The following RALYL variants were observed in gnomAD, a reference collection of about 807,000 sequenced individuals.
RALYL encodes the protein RALY RNA binding protein like.
Under a neutral mutation model 35.1 loss-of-function variants are expected in RALYL, and 29 were observed. The ratio of observed to expected loss-of-function variants is 0.83; its 90% CI spans 0.61 to 1.13. The LOEUF (loss-of-function observed/expected upper bound fraction) is 1.13. RALYL is among the 50% of genes most tolerant of loss of function. The pLI is 0.00. For synonymous variants in RALYL, 120 were observed against 127.6 expected, an observed-to-expected ratio of 0.94 and a Z score of 0.40; for missense variants, 359 against 360.4, an observed-to-expected ratio of 1.00 and a Z score of 0.03.
intron 2 of RALYL, among the ~76,000 whole-genome samples, chr8:84,615,570 CTTTTTTTTTTTTTTTTTTT>C (rs60428128): frequency 3.0e-5 from 2 of 67,364 alleles, no homozygotes; most frequent in African/African-American, 1.3e-4. Context: ...GAACTTTCGT[CTTTTTTTTTTTTTTTTTTT>C]TTTTTTTTTT....
intron 2 of RALYL, among the ~76,000 whole-genome samples, chr8:84,671,251 G>A (rs570301888): frequency 7.2e-5 from 11 of 152,222 alleles, no homozygotes; most frequent in Admixed American, 3.9e-4. Context: ...GTGGCTTTGC[G>A]GGATACAGCC....
chr8:84,326,950 G>A (rs188404763), intron 1 of RALYL, among the ~76,000 whole-genome samples: 4,124 of 151,800 alleles, frequency 0.027, 100 homozygotes, highest in Non-Finnish European at 0.031. Flanking sequence ...GGACTAAAGT[G>A]TTAATGGAGA....
At chr8:84,630,256 C>A (rs1339632811) in intron 2 of RALYL, among the ~76,000 whole-genome samples, 1 of 151,840 alleles carries the variant, frequency 6.6e-6, no homozygotes, top group African/African-American at 2.4e-5. Context: ...GGAAAGCCAC[C>A]CTAAATACAG....
intron 1 of RALYL, among the ~76,000 whole-genome samples, chr8:84,458,702 A>G (rs1175813615): frequency 6.6e-6 from 1 of 151,866 alleles, no homozygotes; most frequent in Non-Finnish European, 1.5e-5. Flanking sequence ...TCATAATGCC[A>G]CTAAAAGTTC....
chr8:84,732,799 C>T (rs989416948), intron 2 of RALYL, among the ~76,000 whole-genome samples: 6 of 151,500 alleles, frequency 4.0e-5, no homozygotes, highest in Admixed American at 6.6e-5. Flanking sequence ...CAGATTCAAG[C>T]GATTCTCCTG....
chr8:84,327,962 G>T (rs1846122251), intron 1 of RALYL, among the ~76,000 whole-genome samples: 1 of 152,144 alleles, frequency 6.6e-6, no homozygotes, highest in African/African-American at 2.4e-5. Context: ...TAAAGAATTT[G>T]CCAAAAAGGT....
At chr8:84,739,779 ACT>A (rs1429232996) in intron 2 of RALYL, among the ~76,000 whole-genome samples, 2 of 151,876 alleles carry the variant, frequency 1.3e-5, no homozygotes, top group Non-Finnish European at 2.9e-5. Context: ...TGAATCTGAG[ACT>A]CTGAGTATGA....
intron 2 of RALYL, among the ~76,000 whole-genome samples, chr8:84,626,330 T>C (rs1453584711): frequency 1.3e-5 from 2 of 152,196 alleles, no homozygotes; most frequent in Non-Finnish European, 2.9e-5. Flanking sequence ...CTTTACTCTC[T>C]GCATGATTTG....
At chr8:84,779,458 A>G (rs2718974) in intron 3 of RALYL, among the ~76,000 whole-genome samples, 34,962 of 152,084 alleles carry the variant, frequency 0.23, 4,243 homozygotes, top group Non-Finnish European at 0.25. Flanking sequence ...GACATGTAGT[A>G]TATATAGTTT....
At chr8:84,584,074 C>T (rs1564187528) in intron 2 of RALYL, among the ~76,000 whole-genome samples, 2 of 152,210 alleles carry the variant, frequency 1.3e-5, no homozygotes, top group East Asian at 3.9e-4. Flanking sequence ...GAGTATCCAT[C>T]CCCTCAAGTA....
At chr8:84,382,172 A>G (rs1014765321) in intron 1 of RALYL, among the ~76,000 whole-genome samples, 1 of 151,346 alleles carries the variant, frequency 6.6e-6, no homozygotes, top group African/African-American at 2.4e-5. Flanking sequence ...TAGTTAAAAT[A>G]CATTTGGGAT....
At chr8:84,395,594 G>T (rs1586831366) in intron 1 of RALYL, among the ~76,000 whole-genome samples, 1 of 151,798 alleles carries the variant, frequency 6.6e-6, no homozygotes, top group Middle Eastern at 3.4e-3. Flanking sequence ...ACATTTTGTT[G>T]TTTTCTATTA....
chr8:84,756,694 A>G (rs1021454714), intron 2 of RALYL, among the ~76,000 whole-genome samples: 7 of 152,106 alleles, frequency 4.6e-5, no homozygotes, highest in Admixed American at 3.9e-4. Flanking sequence ...TTTAATATTC[A>G]TATTGCTGAT....
intron 2 of RALYL, among the ~76,000 whole-genome samples, chr8:84,645,859 T>C (rs1350941923): frequency 6.6e-6 from 1 of 152,132 alleles, no homozygotes; most frequent in African/African-American, 2.4e-5. Context: ...TGCCTGTCTA[T>C]TCTCATGCTT....
chr8:84,432,285 A>T (rs2047226630), intron 1 of RALYL, among the ~76,000 whole-genome samples: 1 of 152,156 alleles, frequency 6.6e-6, no homozygotes, highest in South Asian at 2.1e-4. Flanking sequence ...GCAAAGAAAA[A>T]CAAGTACTGC....
At chr8:84,483,227 C>A (rs1423288100) in intron 1 of RALYL, among the ~76,000 whole-genome samples, 1 of 152,056 alleles carries the variant, frequency 6.6e-6, no homozygotes, top group Non-Finnish European at 1.5e-5. Context: ...ACTTGCATGG[C>A]TACATAACAT....
intron 2 of RALYL, among the ~76,000 whole-genome samples, chr8:84,689,449 T>C (rs1426216873): frequency 1.3e-5 from 2 of 152,262 alleles, no homozygotes; most frequent in Non-Finnish European, 2.9e-5. Context: ...GGGGTATATG[T>C]GCCACATTTT....
chr8:84,682,095 G>A (rs747592015), intron 2 of RALYL, among the ~76,000 whole-genome samples: 16 of 152,100 alleles, frequency 1.1e-4, no homozygotes, highest in Admixed American at 3.3e-4. Context: ...CTATTGAGAT[G>A]ATCATGTGGC....
chr8:84,356,861 G>A (rs1279511841), intron 1 of RALYL, among the ~76,000 whole-genome samples: 372 of 136,972 alleles, frequency 2.7e-3, no homozygotes, highest in African/African-American at 8.9e-3. Flanking sequence ...GATTCAAATT[G>A]AGGTAATTGG....
Sources: gnomAD v4.1 joint callset for allele counts (sites outside exome capture counted in the v4.1 genomes callset) on GRCh38, gnomAD v4.1.1 for gene constraint, MANE v1.5 for transcripts, NCBI Gene and HGNC (gene_info 2026-07-23, HGNC 2026-07-21) for gene names.